The following DMTF1 variants were observed in gnomAD, a reference collection of about 807,000 sequenced individuals.
The protein encoded by DMTF1 is cyclin-D-binding Myb-like transcription factor 1.
A neutral mutation model predicts 91.1 loss-of-function variants in DMTF1; 39 were observed. The ratio of observed to expected loss-of-function variants is 0.43; its 90% CI spans 0.33 to 0.56. DMTF1 has a LOEUF of 0.56. Among genes scored for constraint, DMTF1 ranks in the 20% least tolerant of loss-of-function variants. The pLI is 0.05. For missense variants in DMTF1, 750 were observed against 914.5 expected, an observed-to-expected ratio of 0.82 and a Z score of 2.32; for synonymous variants, 338 against 309.5, an observed-to-expected ratio of 1.09 and a Z score of -0.97.
rs541519932 is a variant in DMTF1 at position 87,177,700 on chromosome 7, C to G, written c.520-1845C>G. 5.9e-5 allele frequency among the ~76,000 whole-genome samples: 9 copies of G among 152,276 alleles called. 1 individual carries two copies. In the South Asian group the frequency reaches 1.9e-3, roughly 32 times the overall value. On this transcript the variant is annotated intron_variant, in intron 7 of 17. Transcript: ENST00000331242. ...CCTCAAGGGCATGAAGACATTCTCACATTATCTTGTAAAAGTTTTATAATT... is the reference window on the plus strand; with the variant it reads ...CCTCAAGGGCATGAAGACATTCTCAGATTATCTTGTAAAAGTTTTATAATT...
intron 10 of DMTF1, among the ~76,000 whole-genome samples, chr7:87,183,934 A>G (rs566512025): frequency 3.9e-5 from 6 of 152,196 alleles, no homozygotes; most frequent in Non-Finnish European, 8.8e-5. Context: ...GGTTGAGCCC[A>G]TTGGTGTAAT....
At chr7:87,163,225 T>G (rs2129063099) in intron 1 of DMTF1, 1 of 152,216 alleles carries the variant, frequency 6.6e-6, no homozygotes, top group Non-Finnish European at 1.5e-5. Flanking sequence ...GCCTGTTTTT[T>G]TTTTTTTTTT....
chr7:87,195,698 T>G lies in DMTF1; in HGVS notation c.*558T>G, dbSNP rs1801090917. On this transcript the variant is annotated 3_prime_UTR_variant, in exon 18 of 18. Transcript: ENST00000331242. ...CCCATTGCTGGCAGTGGGAGCTGAT[T>G]TAGGCAGGGTAAACAGGAAAGCATT... 1 of 152,590 alleles carries G rather than the reference T, an allele frequency of 6.6e-6. No individual in the cohort carries two copies. The highest frequency in any genetic ancestry group is 1.5e-5 in the Non-Finnish European group (1 of 68,068). 9.5% of individuals were successfully genotyped at this position (152,590 alleles called of 1,614,324 possible).
intron 1 of DMTF1, chr7:87,154,272 G>A (rs1228564702): frequency 6.6e-6 from 1 of 152,190 alleles, no homozygotes; most frequent in African/African-American, 2.4e-5. Context: ...AAACCATTAT[G>A]TTACAGGTGT....
intron 5 of DMTF1, among the ~76,000 whole-genome samples, chr7:87,173,316 A>G (rs1289196649): frequency 6.6e-6 from 1 of 152,194 alleles, no homozygotes; most frequent in African/African-American, 2.4e-5. Context: ...GTTAATGCAT[A>G]TAATTTTGTT....
intron 1 of DMTF1, among the ~76,000 whole-genome samples, chr7:87,160,276 C>CTTTT (rs753441691): frequency 5.2e-5 from 7 of 134,692 alleles, no homozygotes; most frequent in African/African-American, 1.9e-4. Context: ...TTTGTCATTT[C>CTTTT]TTTTTTTTTT....
chr7:87,167,959 T>A (rs1794217674), intron 4 of DMTF1, among the ~76,000 whole-genome samples: 1 of 152,262 alleles, frequency 6.6e-6, no homozygotes, highest in South Asian at 2.1e-4. Flanking sequence ...GATTGTAGGT[T>A]CAAACTACAC....
chr7:87,158,996 A>G (rs1371470239), intron 1 of DMTF1, among the ~76,000 whole-genome samples: 1 of 152,176 alleles, frequency 6.6e-6, no homozygotes, highest in East Asian at 1.9e-4. Flanking sequence ...ATTACAAGAA[A>G]TGTTTCCCCT....
At chr7:87,165,744 T>C (rs1004874543) in intron 3 of DMTF1, among the ~76,000 whole-genome samples, 3 of 152,236 alleles carry the variant, frequency 2.0e-5, no homozygotes, top group Non-Finnish European at 2.9e-5. Flanking sequence ...TTCTCTTTTT[T>C]CCTTTCTCTG....
chr7:87,155,236 CAA>C (rs1394194662), intron 1 of DMTF1, among the ~76,000 whole-genome samples: 1 of 152,196 alleles, frequency 6.6e-6, no homozygotes, highest in African/African-American at 2.4e-5. Context: ...GCAAAGACAT[CAA>C]AAGCTTAGAA....
chr7:87,194,256 G>C (rs774700604), intron 16 of DMTF1, 154 bp downstream of exon 16: 2 of 775,134 alleles, frequency 2.6e-6, no homozygotes, highest in Non-Finnish European at 4.0e-6. Flanking sequence ...TGGGCAGGCA[G>C]TGATCCTGTG....
chr7:87,166,185 T>C (rs1793783226), intron 3 of DMTF1, among the ~76,000 whole-genome samples: 1 of 152,216 alleles, frequency 6.6e-6, no homozygotes. Flanking sequence ...ACCTTAAGCT[T>C]CTCATACGTC....
chr7:87,193,638 A>G, intron 15 of DMTF1, 87 bp from the exon 16 acceptor site: 1 of 1,226,742 alleles, frequency 8.2e-7, no homozygotes, highest in Non-Finnish European at 1.1e-6. Context: ...ACAGTTTGAG[A>G]GGTAAGAGAT....
At chr7:87,194,640 CTAGTAAGAA>C in intron 16 of DMTF1, 35 bp from the exon 17 acceptor site, 3 of 1,435,202 alleles carry the variant, frequency 2.1e-6, no homozygotes, top group Non-Finnish European at 2.9e-6. Context: ...TTAAGGAAGA[CTAGTAAGAA>C]TATGAGTCAA....
Position 87,179,602 on chromosome 7 carries a change from A to G in DMTF1, c.577A>G (p.Lys193Glu), listed in dbSNP as rs1322913650. 1.3e-6 allele frequency: 2 copies of G among 1,565,446 alleles called. No homozygotes were observed. Among genetic ancestry groups the G allele is most frequent in the African/African-American group, 1.4e-5 (1 of 71,634 alleles). Residue 193 changes from lysine to glutamate, a missense_variant, in exon 8 of 18, where the codon AAA (lysine) becomes GAA (glutamate). This residue lies in a region of DMTF1 where 190 missense variants were observed against 343.8 expected (regional missense o/e 0.55). Coordinates refer to ENST00000331242, the MANE Select transcript of DMTF1 (RefSeq NM_001142327.2). ...CTTTGAGATGTCAAAAGACGAAAGAAAAGATTTCTACAGGACTATAGCATG... is the reference window on the plus strand; with the variant it reads ...CTTTGAGATGTCAAAAGACGAAAGAGAAGATTTCTACAGGACTATAGCATG... ...IIFEMSKDER[K>E]DFYRTIAWGL...
intron 13 of DMTF1, among the ~76,000 whole-genome samples, 195 bp from the exon 14 acceptor site, chr7:87,190,750 T>A (rs1412661140): frequency 6.6e-6 from 1 of 152,088 alleles, no homozygotes; most frequent in African/African-American, 2.4e-5. Flanking sequence ...AGCCCACCCC[T>A]GCACTATATG....
At chr7:87,171,158 G>T in intron 5 of DMTF1, 69 bp downstream of exon 5, 1 of 1,101,526 alleles carries the variant, frequency 9.1e-7, no homozygotes, top group Non-Finnish European at 1.3e-6. Context: ...ATAAAATGAT[G>T]AGAAACCTCA....
At chr7:87,168,800 C>A (rs534452077) in intron 4 of DMTF1, among the ~76,000 whole-genome samples, 1 of 152,332 alleles carries the variant, frequency 6.6e-6, no homozygotes, top group South Asian at 2.1e-4. Context: ...GTAACAACAG[C>A]TCTCTAGTGT....
chr7:87,178,389 T>G (rs568134309), intron 7 of DMTF1, among the ~76,000 whole-genome samples: 13 of 152,216 alleles, frequency 8.5e-5, no homozygotes, highest in Non-Finnish European at 1.9e-4. Context: ...TCATCTTTTC[T>G]ATTCTTTATA....
Sources: allele counts gnomAD v4.1 joint callset (sites outside exome capture counted in the v4.1 genomes callset), GRCh38; gene constraint gnomAD v4.1.1; regional missense constraint gnomAD v4.1.1; transcripts MANE v1.5; gene names NCBI Gene and HGNC (gene_info 2026-07-23, HGNC 2026-07-21).